PRKCZ: variants seen among roughly 807,000 people sequenced by gnomAD.
The protein encoded by PRKCZ is protein kinase C zeta, also known as protein kinase C zeta type.
Under a neutral mutation model 79.5 loss-of-function variants are expected in PRKCZ, and 33 were observed. The observed-to-expected ratio is 0.41, with a 90% CI of 0.31 to 0.55. PRKCZ has a LOEUF of 0.55. Ranked by LOEUF, PRKCZ falls within the 20% of genes least tolerant of loss-of-function variation. PRKCZ has a pLI of 0.19. For synonymous variants in PRKCZ, 342 were observed against 320.9 expected, an observed-to-expected ratio of 1.07 and a Z score of -0.70; for missense variants, 578 against 813.5, an observed-to-expected ratio of 0.71 and a Z score of 3.52.
At chr1:2,181,129 C>T (rs1031363081) in intron 16 of PRKCZ, among the ~76,000 whole-genome samples, 1 of 151,342 alleles carries the variant, frequency 6.6e-6, no homozygotes, top group East Asian at 1.9e-4. Flanking sequence ...AGCATCCTGC[C>T]TGGCCCTACG....
At chr1:2,160,822 G>A (rs774788238) in intron 10 of PRKCZ, among the ~76,000 whole-genome samples, 10 of 152,152 alleles carry the variant, frequency 6.6e-5, no homozygotes, top group Non-Finnish European at 1.3e-4. Flanking sequence ...GGACTCGGGG[G>A]TGCTGTGGCC....
chr1:2,126,087 G>A (rs1673822979), intron 4 of PRKCZ, among the ~76,000 whole-genome samples: 1 of 152,080 alleles, frequency 6.6e-6, no homozygotes, highest in Non-Finnish European at 1.5e-5. Context: ...GGTCCTGCGG[G>A]GGCTTCTCAG....
At chr1:2,089,189 C>T (rs542620367) in intron 4 of PRKCZ, among the ~76,000 whole-genome samples, 12 of 151,806 alleles carry the variant, frequency 7.9e-5, no homozygotes, top group African/African-American at 1.5e-4. Flanking sequence ...TTTCCCTGTT[C>T]GCGAGGTCCC....
In PRKCZ at chr1:2,124,122, T is replaced by C. The variant is rs1260606585; in HGVS notation, c.335-11140T>C. ...ACGGCGACGGTTAGGGTCACGGCGG[T>C]GGTTAGGGTCACGGTGGTGGTTAGG... On this transcript the variant is annotated intron_variant, in intron 4 of 17. Transcript: ENST00000378567. Among the ~76,000 whole-genome samples the C allele has an allele frequency of 3.0e-4, 16 of 53,304 alleles. 5 individuals are homozygous for C. The highest frequency in any genetic ancestry group is 8.8e-4 in the South Asian group (1 of 1,136). The allele number at this position is 53,304 out of a possible 152,430, so 35.0% of individuals were successfully genotyped here. A position where few individuals can be genotyped will look rare whatever the true frequency, so the allele number is the denominator to read the frequency against.
At chr1:2,144,389 G>T (rs1405772844) in intron 6 of PRKCZ, 48 bp downstream of exon 6, 1 of 1,542,218 alleles carries the variant, frequency 6.5e-7, no homozygotes, top group East Asian at 2.4e-5. Context: ...CGGGGTCGGG[G>T]CGTGGCAGCC....
At chr1:2,058,751 C>G (rs1660413539) in intron 3 of PRKCZ, among the ~76,000 whole-genome samples, 1 of 151,156 alleles carries the variant, frequency 6.6e-6, no homozygotes, top group Non-Finnish European at 1.5e-5. Flanking sequence ...CAAAAATTAG[C>G]CGGGCGTGGT....
In PRKCZ at chr1:2,075,871, C is replaced by T. The variant is rs549400607; in HGVS notation, c.334+16280C>T. Among the ~76,000 whole-genome samples, 18 of 152,350 alleles carry T rather than the reference C, an allele frequency of 1.2e-4. No individual in the cohort carries two copies. The South Asian group carries it at 3.3e-3, about 28-fold the overall frequency. ...AGTTCCCGTGCTTGTGACCTGCTCTCGTGTGTGTAGCAGCGGGGGCTGCGT... is the reference window on the plus strand; with the variant it reads ...AGTTCCCGTGCTTGTGACCTGCTCTTGTGTGTGTAGCAGCGGGGGCTGCGT... On this transcript the variant is annotated intron_variant, in intron 4 of 17. Transcript: ENST00000378567. This position sits in a 1 kb window ranked among gnomAD's most constrained non-coding sequence, Gnocchi z 4.8.
Position 2,055,457 on chromosome 1 carries a change from A to G in PRKCZ, c.88A>G (p.Ser30Gly), listed in dbSNP as rs765901754. The change falls in exon 2 of 18, where the codon AGC becomes GGC. Residue 30 changes from serine to glycine, a missense_variant. Around this residue, in one of 4 missense-constraint regions of PRKCZ, gnomAD observed 228 missense variants for 211.6 expected, o/e 1.08. Transcript: ENST00000378567. ...CTGCCCCAGGGACATCTTCATCACC[A>G]GCGTGGACGCCGCCACGACCTTCGA... Reference protein sequence around the residue: ...AHYGGDIFITSVDAATTFEEL... With the variant: ...AHYGGDIFITGVDAATTFEEL... The G allele has an allele frequency of 1.1e-5, 18 of 1,613,494 alleles. No homozygotes were observed. In the East Asian group the frequency reaches 3.6e-4, roughly 32 times the overall value.
In PRKCZ at chr1:2,082,058, C is replaced by G. The variant is rs1163281230; in HGVS notation, c.334+22467C>G. ...GGCTTGATCCGGGCTGCCGTGGTTCCGATCGACTCCGAATAGGACACCACA... is the reference window on the plus strand; with the variant it reads ...GGCTTGATCCGGGCTGCCGTGGTTCGGATCGACTCCGAATAGGACACCACA... On this transcript the variant is annotated intron_variant, in intron 4 of 17. Coordinates refer to ENST00000378567, the MANE Select transcript of PRKCZ (RefSeq NM_002744.6). The surrounding 1 kb of genome is among the most constrained non-coding windows in gnomAD (Gnocchi z 4.4). Among the ~76,000 whole-genome samples, 1 of 152,360 alleles carries G rather than the reference C, an allele frequency of 6.6e-6. No individual in the cohort carries two copies. The highest frequency in any genetic ancestry group is 1.5e-5 in the Non-Finnish European group (1 of 68,034).
intron 4 of PRKCZ, among the ~76,000 whole-genome samples, chr1:2,119,932 G>A (rs1471982202): frequency 6.6e-6 from 1 of 151,866 alleles, no homozygotes; most frequent in African/African-American, 2.4e-5. Context: ...GATTGCAGGT[G>A]TGCGCCACCA....
At chr1:2,143,750 A>C (rs1677889168) in intron 5 of PRKCZ, 1 of 155,398 alleles carries the variant, frequency 6.4e-6, no homozygotes, top group Non-Finnish European at 1.4e-5. Context: ...CATGAGTCCG[A>C]GTTCCCCTTC....
At chr1:2,137,242 G>C (rs1676396857) in intron 5 of PRKCZ, among the ~76,000 whole-genome samples, 1 of 152,156 alleles carries the variant, frequency 6.6e-6, no homozygotes, top group South Asian at 2.1e-4. Flanking sequence ...AAAGCCAGAA[G>C]ACCCAGGAAA....
At chr1:2,076,453 T>C in intron 4 of PRKCZ, among the ~76,000 whole-genome samples, 1 of 152,264 alleles carries the variant, frequency 6.6e-6, no homozygotes, top group Middle Eastern at 3.4e-3. Flanking sequence ...CAGAAAAAGC[T>C]TTGTTCAGGC....
chr1:2,133,122 C>T (rs1383337708), intron 4 of PRKCZ, among the ~76,000 whole-genome samples: 1 of 152,210 alleles, frequency 6.6e-6, no homozygotes, highest in Non-Finnish European at 1.5e-5. Flanking sequence ...TGATTGAACT[C>T]GAAGGATGTC....
At chr1:2,088,581 C>T (rs557960563) in intron 4 of PRKCZ, among the ~76,000 whole-genome samples, 4 of 152,290 alleles carry the variant, frequency 2.6e-5, no homozygotes, top group Admixed American at 2.0e-4. Flanking sequence ...TCCCAGAGCC[C>T]GGGCTCCAGG....
chr1:2,129,435 C>G (rs926824918), intron 4 of PRKCZ, among the ~76,000 whole-genome samples: 9 of 152,084 alleles, frequency 5.9e-5, no homozygotes, highest in African/African-American at 1.9e-4. Context: ...GCAGCAGGGC[C>G]CGAGAGGCAA....
chr1:2,168,687 G>T lies in PRKCZ; in HGVS notation c.975-831G>T, dbSNP rs559625990. 6.6e-6 allele frequency among the ~76,000 whole-genome samples: 1 copy of T among 152,130 alleles called. No homozygotes were observed. Among genetic ancestry groups the T allele is most frequent in the Non-Finnish European group, 1.5e-5 (1 of 67,990 alleles). ...GAGCTTGCGTGGGATCGAAGGAAAC[G>T]GGCAGAGTCACCACACGCTTCCCTC... On this transcript the variant is annotated intron_variant, in intron 10 of 17. Transcript: ENST00000378567. The surrounding 1 kb of genome is among the most constrained non-coding windows in gnomAD (Gnocchi z 4.7).
At position 2,175,323 on chromosome 1, in the gene PRKCZ, C is replaced by A. The variant is rs262640; in HGVS notation, c.1575+10C>A. ...CATAGACTGGGACTTGGTAAAGCATCACAAAGCCTATTTGCACCCCCATCC... is the reference window on the plus strand; with the variant it reads ...CATAGACTGGGACTTGGTAAAGCATAACAAAGCCTATTTGCACCCCCATCC... On this transcript the variant is annotated intron_variant, in intron 16 of 17. Transcript: ENST00000378567. 6.4e-3 allele frequency: 10,289 copies of A among 1,608,112 alleles called. 583 individuals are homozygous for A. In the African/African-American group the frequency reaches 0.12, roughly 19 times the overall value.
chr1:2,059,262 T>C (rs1225253002), intron 3 of PRKCZ, among the ~76,000 whole-genome samples: 1 of 152,274 alleles, frequency 6.6e-6, no homozygotes, highest in Non-Finnish European at 1.5e-5. Flanking sequence ...TTTATATAGT[T>C]TAAAAATACA....
Sources: gnomAD v4.1 joint callset for allele counts (sites outside exome capture counted in the v4.1 genomes callset) on GRCh38, gnomAD v4.1.1 for gene constraint, gnomAD v4.1.1 regional missense constraint, Gnocchi (gnomAD v3.1) non-coding constraint, MANE v1.5 for transcripts, NCBI Gene and HGNC (gene_info 2026-07-23, HGNC 2026-07-21) for gene names.